The following ERN1 variants were observed in gnomAD, a reference collection of about 807,000 sequenced individuals.
ERN1 encodes endoplasmic reticulum to nucleus signaling 1.
In ERN1, 39 loss-of-function variants were observed where a neutral mutation model predicts 113.1. The ratio of observed to expected loss-of-function variants is 0.34; its 90% CI spans 0.27 to 0.45. ERN1 has a LOEUF of 0.45. Ranked by LOEUF, ERN1 falls within the 20% of genes least tolerant of loss-of-function variation. ERN1 has a pLI of 1.00. For missense variants in ERN1, 976 were observed against 1,274.8 expected (o/e 0.77, Z 3.57); for synonymous variants, 507 against 515.9 (o/e 0.98, Z 0.23).
Position 64,105,313 on chromosome 17 carries a change from T to C in ERN1, c.55-7072A>G, listed in dbSNP as rs536482434. 1.4e-4 allele frequency among the ~76,000 whole-genome samples: 22 copies of C among 152,124 alleles called. No individual in the cohort carries two copies. In the East Asian group the frequency reaches 4.1e-3, roughly 28 times the overall value. On this transcript the variant is annotated intron_variant, in intron 1 of 21. Coordinates refer to ENST00000433197, the MANE Select transcript of ERN1 (RefSeq NM_001433.5). ...TGTAGAGTCGGGAGTTTCACTACATTGACCAGTCTGGTCTTGAACTCCTGG... is the reference window on the plus strand; with the variant it reads ...TGTAGAGTCGGGAGTTTCACTACATCGACCAGTCTGGTCTTGAACTCCTGG...
chr17:64,048,419 T>C (rs1234242107), intron 18 of ERN1, among the ~76,000 whole-genome samples: 1 of 152,242 alleles, frequency 6.6e-6, no homozygotes, highest in African/African-American at 2.4e-5. Context: ...AAGGTATCAA[T>C]AGCCATCATT....
chr17:64,069,237 C>T (rs552442176), intron 6 of ERN1, among the ~76,000 whole-genome samples: 2 of 152,304 alleles, frequency 1.3e-5, no homozygotes, highest in East Asian at 1.9e-4. Context: ...TCCCATTGCA[C>T]TCACATTCCA....
chr17:64,089,797 G>C (rs1914039181), intron 2 of ERN1, among the ~76,000 whole-genome samples: 1 of 152,166 alleles, frequency 6.6e-6, no homozygotes, highest in African/African-American at 2.4e-5. Context: ...ATTTAAAGGT[G>C]ACATGGAGAT....
At chr17:64,101,580 G>A (rs1412426204) in intron 1 of ERN1, among the ~76,000 whole-genome samples, 1 of 152,166 alleles carries the variant, frequency 6.6e-6, no homozygotes, top group Non-Finnish European at 1.5e-5. Flanking sequence ...GCAGGTAGGA[G>A]AGAAGCTTGA....
At chr17:64,117,048 C>T (rs1426392670) in intron 1 of ERN1, among the ~76,000 whole-genome samples, 2 of 147,346 alleles carry the variant, frequency 1.4e-5, no homozygotes, top group Admixed American at 1.3e-4. Context: ...GGAGGCGGAG[C>T]TTGCAGTGAG....
At chr17:64,086,417 A>G (rs1484197227) in intron 2 of ERN1, among the ~76,000 whole-genome samples, 1 of 152,132 alleles carries the variant, frequency 6.6e-6, no homozygotes, top group Non-Finnish European at 1.5e-5. Flanking sequence ...AATGTCTTGG[A>G]AATTCATCCA....
intron 2 of ERN1, among the ~76,000 whole-genome samples, chr17:64,081,146 T>A (rs116274764): frequency 5.7e-4 from 86 of 152,136 alleles, no homozygotes; most frequent in African/African-American, 2.0e-3. Flanking sequence ...GGACAAGGGG[T>A]CAGAGCATCA....
intron 2 of ERN1, among the ~76,000 whole-genome samples, chr17:64,092,483 G>T (rs978661769): frequency 5.3e-5 from 8 of 152,134 alleles, no homozygotes; most frequent in African/African-American, 1.9e-4. Context: ...TCAGAACCTG[G>T]AGTAGTATCT....
Position 64,064,156 on chromosome 17 carries a change from G to A in ERN1, c.922-5C>T, listed in dbSNP as rs1242517154. 1 of 1,587,724 alleles carries A rather than the reference G, an allele frequency of 6.3e-7. No homozygotes were observed. The highest frequency in any genetic ancestry group is 1.1e-5 in the South Asian group (1 of 87,760). On this transcript the variant is annotated splice_region_variant and splice_polypyrimidine_tract_variant and intron_variant, in intron 9 of 21. Transcript: ENST00000433197. ...AGGAAGTGTGCTGCCGCGGGGCTGTGGAGAGGGTGCAGTGAGGGTCAGGAG... is the reference window on the plus strand; with the variant it reads ...AGGAAGTGTGCTGCCGCGGGGCTGTAGAGAGGGTGCAGTGAGGGTCAGGAG...
chr17:64,092,351 G>A (rs913262938), intron 2 of ERN1, among the ~76,000 whole-genome samples: 4 of 152,094 alleles, frequency 2.6e-5, no homozygotes, highest in African/African-American at 9.7e-5. Context: ...AGAGGCACAT[G>A]TTTAGAAAGA....
chr17:64,114,111 C>T (rs980827444), intron 1 of ERN1, among the ~76,000 whole-genome samples: 1 of 146,222 alleles, frequency 6.8e-6, no homozygotes, highest in African/African-American at 2.5e-5. Flanking sequence ...AGTGTTGAGT[C>T]AACATAAGTA....
chr17:64,110,424 CCAT>C (rs532712193), intron 1 of ERN1, among the ~76,000 whole-genome samples: 103 of 152,222 alleles, frequency 6.8e-4, no homozygotes, highest in African/African-American at 2.4e-3. Flanking sequence ...ACTATAGTCA[CCAT>C]GTTATATAAT....
At chr17:64,112,772 C>T (rs570085831) in intron 1 of ERN1, among the ~76,000 whole-genome samples, 10 of 152,338 alleles carry the variant, frequency 6.6e-5, no homozygotes, top group South Asian at 4.1e-4. Context: ...CATGCCTTGC[C>T]CTATGCGTCT....
At position 64,079,644 on chromosome 17, in the gene ERN1, G is replaced by T. The variant is rs78213244; in HGVS notation, c.282+18C>A. The T allele has an allele frequency of 6.2e-7, 1 of 1,603,796 alleles. No homozygotes were observed. Among genetic ancestry groups the T allele is most frequent in the Non-Finnish European group, 8.5e-7 (1 of 1,170,802 alleles). On this transcript the variant is annotated intron_variant, in intron 4 of 21. Coordinates refer to ENST00000433197, the MANE Select transcript of ERN1 (RefSeq NM_001433.5). Reference sequence around the variant, plus strand: ...GTCTAGAACCCCTGGAGTACAAAAAGCAGCTAAATATACTCACCGTCAGGC... The same window carrying T: ...GTCTAGAACCCCTGGAGTACAAAAATCAGCTAAATATACTCACCGTCAGGC...
At position 64,051,778 on chromosome 17, in the gene ERN1, T is replaced by C. The variant is rs570640269; in HGVS notation, c.2253+1002A>G. 2.6e-5 allele frequency among the ~76,000 whole-genome samples: 4 copies of C among 152,268 alleles called. No individual in the cohort carries two copies. In the South Asian group the frequency reaches 8.3e-4, roughly 32 times the overall value. ...CCAGTAGGTATCAAAACCCAGTAGG[T>C]AGCAAAATACCAACTCTATAAAAGA... On this transcript the variant is annotated intron_variant, in intron 17 of 21. Transcript: ENST00000433197.
Position 64,098,217 on chromosome 17 carries a change from T to C in ERN1, c.79A>G (p.Thr27Ala). The C allele has an allele frequency of 6.2e-7, 1 of 1,613,926 alleles. No individual in the cohort carries two copies. Among genetic ancestry groups the C allele is most frequent in the Non-Finnish European group, 8.5e-7 (1 of 1,179,850 alleles). The change falls in exon 2 of 22, where the codon ACG (threonine) becomes GCG (alanine). Residue 27 changes from threonine (T) to alanine (A), a missense_variant. Coordinates refer to ENST00000433197, the MANE Select transcript of ERN1 (RefSeq NM_001433.5). The part of the protein sequence containing the change: ...LGIFGSTSTV[T>A]LPETLLFVST... Reference sequence around the variant, plus strand: ...ACAAACAACAAGGTTTCAGGAAGCGTCACTGTGCTGGTACTTCCAAAAATC... The same window carrying C: ...ACAAACAACAAGGTTTCAGGAAGCGCCACTGTGCTGGTACTTCCAAAAATC...
intron 17 of ERN1, among the ~76,000 whole-genome samples, chr17:64,051,960 AG>A (rs1912698025): frequency 6.6e-6 from 1 of 152,262 alleles, no homozygotes; most frequent in Non-Finnish European, 1.5e-5. Context: ...ATGAAGGGCC[AG>A]GATGCCTGCT....
In ERN1 at chr17:64,045,858, T is replaced by A. The variant is rs1365264672; in HGVS notation, c.2530-376A>T. Among the ~76,000 whole-genome samples the A allele has an allele frequency of 2.0e-5, 3 of 152,220 alleles. 1 individual carries two copies. In the East Asian group the frequency reaches 5.8e-4, roughly 29 times the overall value. Reference sequence around the variant, plus strand: ...AAGCTCAGATTTGATGTGCATCCCGTGCTTTGTCTACTCACTGAAACAGGG... The same window carrying A: ...AAGCTCAGATTTGATGTGCATCCCGAGCTTTGTCTACTCACTGAAACAGGG... On this transcript the variant is annotated intron_variant, in intron 19 of 21. Coordinates refer to ENST00000433197, the MANE Select transcript of ERN1 (RefSeq NM_001433.5).
At chr17:64,110,894 C>T (rs1914653820) in intron 1 of ERN1, among the ~76,000 whole-genome samples, 1 of 152,096 alleles carries the variant, frequency 6.6e-6, no homozygotes, top group South Asian at 2.1e-4. Flanking sequence ...AGTTGAGGCT[C>T]GAAAACAGGA....
Sources: gnomAD v4.1 joint callset for allele counts (sites outside exome capture counted in the v4.1 genomes callset) on GRCh38, gnomAD v4.1.1 for gene constraint, MANE v1.5 for transcripts, NCBI Gene and HGNC (gene_info 2026-07-23, HGNC 2026-07-21) for gene names.